Variants in MAPK10 observed in about 807,000 individuals in gnomAD.
The protein encoded by MAPK10 is JNK3 alpha protein kinase.
In MAPK10, 25 loss-of-function variants were observed where a neutral mutation model predicts 59.3. That is an observed-to-expected ratio of 0.42 (90% CI 0.31 to 0.59). The LOEUF (loss-of-function observed/expected upper bound fraction) is 0.59, where lower values mean the gene tolerates loss of function less well. Among genes scored for constraint, MAPK10 ranks in the 20% least tolerant of loss-of-function variants. MAPK10 has a pLI of 0.15. For synonymous variants in MAPK10, 190 were observed against 200.5 expected (o/e 0.95, Z 0.44); for missense variants, 351 against 568.9 (o/e 0.62, Z 3.90).
chr4:86,062,075 G>GAGAA (rs2045863051), intron 11 of MAPK10, among the ~76,000 whole-genome samples: 1 of 152,068 alleles, frequency 6.6e-6, no homozygotes, highest in East Asian at 1.9e-4. Context: ...TCTCTTCTTA[G>GAGAA]TTGTGACCAC....
intron 2 of MAPK10, among the ~76,000 whole-genome samples, chr4:86,263,186 T>C (rs1247819458): frequency 2.6e-5 from 4 of 152,234 alleles, no homozygotes; most frequent in East Asian, 1.9e-4. Flanking sequence ...GAGATCACAT[T>C]GTCCCTTGTT....
At chr4:86,191,626 CCAT>C (rs1383303930) in intron 3 of MAPK10, 2 of 110,612 alleles carry the variant, frequency 1.8e-5, no homozygotes, top group Non-Finnish European at 3.6e-5. Context: ...TTCCTCCATC[CCAT>C]TATTTTGAGC....
intron 2 of MAPK10, among the ~76,000 whole-genome samples, chr4:86,242,796 T>C (rs2092820555): frequency 6.6e-6 from 1 of 152,226 alleles, no homozygotes. Context: ...GTCCCAGTGA[T>C]GGCTGCTGCC....
intron 4 of MAPK10, among the ~76,000 whole-genome samples, chr4:86,146,033 A>G (rs749634517): frequency 6.6e-6 from 1 of 152,212 alleles, no homozygotes; most frequent in Non-Finnish European, 1.5e-5. Context: ...CAAAGTGCCA[A>G]ATCAAATAAG....
intron 1 of MAPK10, among the ~76,000 whole-genome samples, chr4:86,415,924 G>A (rs1745806769): frequency 6.6e-6 from 1 of 152,154 alleles, no homozygotes; most frequent in Admixed American, 6.5e-5. Flanking sequence ...ATTAGACAAA[G>A]TTGGATTTAA....
At chr4:86,398,105 G>T (rs1743210552) in intron 1 of MAPK10, among the ~76,000 whole-genome samples, 1 of 151,786 alleles carries the variant, frequency 6.6e-6, no homozygotes, top group African/African-American at 2.4e-5. Context: ...GCACAGGCAG[G>T]CAGACAGACA....
At position 86,159,412 on chromosome 4, in the gene MAPK10, T is replaced by G. The variant is rs1429661883; in HGVS notation, c.122A>C (p.Lys41Thr). The change falls in exon 4 of 14, where the codon AAA becomes ACA. Residue 41 changes from lysine to threonine, a missense_variant. This residue lies in a region of MAPK10 where 61 missense variants were observed against 58.4 expected (regional missense o/e 1.05). Transcript: ENST00000641462. ...GTAGAACTGGTTGTCAACTTTGCTT[T>G]TGCTCATGTTGTAATGTTTGGCAAT... ...SYIAKHYNMS[K>T]SKVDNQFYSV... The G allele has an allele frequency of 1.9e-6, 3 of 1,612,684 alleles. No individual in the cohort carries two copies. Among genetic ancestry groups the G allele is most frequent in the Non-Finnish European group, 1.7e-6 (2 of 1,179,062 alleles).
At chr4:86,495,062 A>C (rs1458282436) in intron 1 of MAPK10, among the ~76,000 whole-genome samples, 2 of 152,036 alleles carry the variant, frequency 1.3e-5, no homozygotes, top group African/African-American at 4.8e-5. Flanking sequence ...ATTTCTTAGA[A>C]GTCCAACAAA....
In MAPK10 at chr4:86,437,983, A is replaced by G. The variant is rs116496614; in HGVS notation, c.-122+15047T>C. The stretch of plus-strand genomic sequence containing the variant: ...CATAAACATGTTGTTCAAAAGTCAA[A>G]CAAAAATGAAAGTATATGCTGAATG... On this transcript the variant is annotated intron_variant, in intron 1 of 13. Transcript: ENST00000361569. Among the ~76,000 whole-genome samples, 1,493 of 152,346 alleles carry G rather than the reference A, an allele frequency of 9.8e-3. 16 individuals are homozygous for G. The highest frequency in any genetic ancestry group is 0.016 in the Non-Finnish European group (1,067 of 68,028).
chr4:86,484,913 A>G (rs1027665920), intron 1 of MAPK10, among the ~76,000 whole-genome samples: 2 of 152,210 alleles, frequency 1.3e-5, no homozygotes, highest in Admixed American at 1.3e-4. Flanking sequence ...TAAGACAGAA[A>G]GCAGGGGGAG....
intron 2 of MAPK10, among the ~76,000 whole-genome samples, chr4:86,299,984 C>T (rs897036430): frequency 1.3e-5 from 2 of 152,076 alleles, no homozygotes; most frequent in African/African-American, 4.8e-5. Context: ...CCTCTGCCTC[C>T]TAGGTTCAAG....
At chr4:86,090,485 A>T (rs1275079161) in intron 9 of MAPK10, 5 of 152,124 alleles carry the variant, frequency 3.3e-5, no homozygotes, top group Non-Finnish European at 7.4e-5. Flanking sequence ...ATACCCAAAG[A>T]AGCAAATTTG....
intron 2 of MAPK10, among the ~76,000 whole-genome samples, chr4:86,321,531 G>A (rs969558089): frequency 3.5e-5 from 5 of 143,134 alleles, no homozygotes; most frequent in African/African-American, 7.8e-5. Context: ...TGGGAATTGA[G>A]CAATGAGAAC....
Position 86,119,883 on chromosome 4 carries a change from G to A in MAPK10, c.237-12531C>T, listed in dbSNP as rs1160921606. 5 of 152,384 alleles carry A rather than the reference G, an allele frequency of 3.3e-5. No individual in the cohort carries two copies. In the East Asian group the frequency reaches 9.7e-4, roughly 29 times the overall value. 9.4% of individuals were successfully genotyped at this position (152,384 alleles called of 1,614,324 possible). A position where few individuals can be genotyped will look rare whatever the true frequency, so the allele number is the denominator to read the frequency against. ...CACTTCACCCCAATTCAGGACAGCTGGTAAGGCTCATTACCTCTTCAGAAC... is the reference window on the plus strand; with the variant it reads ...CACTTCACCCCAATTCAGGACAGCTAGTAAGGCTCATTACCTCTTCAGAAC... On this transcript the variant is annotated intron_variant, in intron 4 of 13. Coordinates refer to ENST00000641462, the MANE Select transcript of MAPK10 (RefSeq NM_138982.4).
At chr4:86,274,082 A>C (rs2094505388) in intron 2 of MAPK10, among the ~76,000 whole-genome samples, 1 of 152,060 alleles carries the variant, frequency 6.6e-6, no homozygotes, top group Admixed American at 6.6e-5. Context: ...AGTCTTCATA[A>C]AACTGAATTT....
intron 13 of MAPK10, chr4:86,026,360 G>A (rs867428538): frequency 6.6e-6 from 1 of 152,142 alleles, no homozygotes; most frequent in Non-Finnish European, 1.5e-5. Context: ...AATTGTTACA[G>A]ATCAATTCAG....
At chr4:86,528,841 T>C (rs1757665172) in intron 1 of MAPK10, among the ~76,000 whole-genome samples, 1 of 152,220 alleles carries the variant, frequency 6.6e-6, no homozygotes, top group East Asian at 1.9e-4. Context: ...CATTCAGATA[T>C]TTCAGACTTA....
intron 1 of MAPK10, among the ~76,000 whole-genome samples, chr4:86,405,350 G>C (rs1004412237): frequency 6.6e-6 from 1 of 152,094 alleles, no homozygotes; most frequent in Non-Finnish European, 1.5e-5. Flanking sequence ...GTAACAATTG[G>C]CTATACACCT....
chr4:86,473,329 G>T (rs1476998822), intron 1 of MAPK10, among the ~76,000 whole-genome samples: 1 of 152,164 alleles, frequency 6.6e-6, no homozygotes, highest in East Asian at 1.9e-4. Context: ...CTTTAGAGCA[G>T]CAGGATTGAA....
Sources: gnomAD v4.1 joint callset for allele counts (sites outside exome capture counted in the v4.1 genomes callset) on GRCh38, gnomAD v4.1.1 for gene constraint, gnomAD v4.1.1 regional missense constraint, MANE v1.5 for transcripts, NCBI Gene and HGNC (gene_info 2026-07-23, HGNC 2026-07-21) for gene names.